The following ZNF638 variants were observed in gnomAD, a reference collection of about 807,000 sequenced individuals.
The protein encoded by ZNF638 is zinc finger protein 638.
ZNF638 carries 46 observed loss-of-function variants against 195.6 expected under a neutral mutation model. That is an observed-to-expected ratio of 0.24 (90% CI 0.19 to 0.30). The LOEUF (loss-of-function observed/expected upper bound fraction) is 0.30, where lower values mean the gene tolerates loss of function less well. ZNF638 is among the 10% of genes least tolerant of loss of function. ZNF638 has a pLI of 1.00. For missense variants in ZNF638, 2,440 were observed against 2,325.3 expected, an observed-to-expected ratio of 1.05 and a Z score of -1.01; for synonymous variants, 845 against 772.0, an observed-to-expected ratio of 1.09 and a Z score of -1.57.
At chr2:71,385,939 G>T (rs1286885178) in intron 10 of ZNF638, among the ~76,000 whole-genome samples, 2 of 151,906 alleles carry the variant, frequency 1.3e-5, no homozygotes, top group Non-Finnish European at 2.9e-5. Flanking sequence ...TTGAATAATG[G>T]ACTATGCACA....
intron 1 of ZNF638, chr2:71,341,753 A>G (rs561413339): frequency 6.6e-5 from 10 of 152,306 alleles, no homozygotes; most frequent in Non-Finnish European, 1.3e-4. Flanking sequence ...CTTCCGATGA[A>G]CGAACCTCTT....
intron 24 of ZNF638, among the ~76,000 whole-genome samples, chr2:71,427,939 C>T (rs1437606838): frequency 6.6e-6 from 1 of 152,176 alleles, no homozygotes; most frequent in African/African-American, 2.4e-5. Context: ...CTCCCGTAAT[C>T]TCAGCACTTT....
intron 6 of ZNF638, 126 bp from the exon 7 acceptor site, chr2:71,368,256 T>TA: frequency 1.2e-6 from 1 of 825,916 alleles, no homozygotes; most frequent in Non-Finnish European, 1.7e-6. Context: ...GAAAAATGGG[T>TA]AAAAAATATG....
intron 23 of ZNF638, among the ~76,000 whole-genome samples, chr2:71,425,665 C>T (rs2080524775): frequency 6.6e-6 from 1 of 151,898 alleles, no homozygotes. Flanking sequence ...CATTATATTT[C>T]TTTTATTATT....
intron 5 of ZNF638, 131 bp downstream of exon 5, chr2:71,364,383 G>A: frequency 4.2e-6 from 4 of 948,306 alleles, no homozygotes; most frequent in Non-Finnish European, 6.1e-6. Flanking sequence ...TGACCCACAT[G>A]CCACAGAGTT....
rs375202354 is a variant in ZNF638 at position 71,405,968 on chromosome 2, C to T, written c.3001-160C>T. 5.9e-5 allele frequency among the ~76,000 whole-genome samples: 9 copies of T among 152,168 alleles called. No homozygotes were observed. In the South Asian group the frequency reaches 8.3e-4, roughly 14 times the overall value. ...TACGTCATTTTACTGATTACTCGTA[C>T]GTAAAATTAAGACCTCACTGTCTTC... is the stretch of plus-strand genomic sequence containing the variant. On this transcript the variant is annotated intron_variant, in intron 18 of 27. Coordinates refer to ENST00000264447, the MANE Select transcript of ZNF638 (RefSeq NM_014497.5).
chr2:71,433,725 C>T (rs960978598), intron 27 of ZNF638, among the ~76,000 whole-genome samples: 2 of 152,142 alleles, frequency 1.3e-5, no homozygotes, highest in South Asian at 2.1e-4. Flanking sequence ...CATCATTAAC[C>T]ATAATTGAAG....
intron 8 of ZNF638, among the ~76,000 whole-genome samples, chr2:71,373,258 A>G (rs546727215): frequency 2.0e-5 from 3 of 151,972 alleles, no homozygotes; most frequent in East Asian, 3.9e-4. Flanking sequence ...AGCTATATCT[A>G]TTAACTGTTT....
Position 71,348,935 on chromosome 2 carries a change from A to G in ZNF638, c.-20A>G. On this transcript the variant is annotated 5_prime_UTR_variant, in exon 2 of 28. Transcript: ENST00000264447. ...ACACCACCTTATACTTTATTAAATC[A>G]GGCTTTCTTGAAAATAGCCATGTCG... is the stretch of plus-strand genomic sequence containing the variant. The G allele has an allele frequency of 6.2e-7, 1 of 1,614,146 alleles. No individual in the cohort carries two copies. The highest frequency in any genetic ancestry group is 8.5e-7 in the Non-Finnish European group (1 of 1,180,010).
At chr2:71,419,561 A>G (rs1021142430) in intron 21 of ZNF638, among the ~76,000 whole-genome samples, 1 of 152,214 alleles carries the variant, frequency 6.6e-6, no homozygotes, top group Admixed American at 6.5e-5. Context: ...TACCAGTAAC[A>G]TTAAGCAATA....
At chr2:71,346,088 A>G (rs1177635369) in intron 1 of ZNF638, among the ~76,000 whole-genome samples, 2 of 152,228 alleles carry the variant, frequency 1.3e-5, no homozygotes, top group Non-Finnish European at 2.9e-5. Context: ...ATACTTATTC[A>G]CAATTCCATT....
At chr2:71,427,939 C>A (rs1437606838) in intron 24 of ZNF638, among the ~76,000 whole-genome samples, 1 of 152,176 alleles carries the variant, frequency 6.6e-6, no homozygotes, top group Non-Finnish European at 1.5e-5. Flanking sequence ...CTCCCGTAAT[C>A]TCAGCACTTT....
intron 1 of ZNF638, 134 bp downstream of exon 1, chr2:71,332,009 G>A: frequency 1.2e-6 from 1 of 866,712 alleles, no homozygotes. Context: ...AAATGGCGGC[G>A]GGCAGACGGC....
At chr2:71,370,050 G>GT in intron 8 of ZNF638, 45 bp downstream of exon 8, 1 of 1,575,288 alleles carries the variant, frequency 6.3e-7, no homozygotes, top group Non-Finnish European at 8.6e-7. Context: ...TGTTGTTTTA[G>GT]TTTAACTTTT....
chr2:71,343,470 T>G (rs1034525782), intron 1 of ZNF638, among the ~76,000 whole-genome samples: 2 of 152,158 alleles, frequency 1.3e-5, no homozygotes, highest in African/African-American at 2.4e-5. Flanking sequence ...CATTCCCAAT[T>G]AAATGTTCCT....
rs2078907082 is a variant in ZNF638, at chr2:71,349,564, G to A, written c.610G>A (p.Val204Ile). 1 of 1,614,186 alleles carries A rather than the reference G, an allele frequency of 6.2e-7. No homozygotes were observed. Among genetic ancestry groups the A allele is most frequent in the Non-Finnish European group, 8.5e-7 (1 of 1,180,026 alleles). The change falls in exon 2 of 28, where the codon GTT becomes ATT. Residue 204 changes from valine to isoleucine, a missense_variant. Around this residue, in one of 5 missense-constraint regions of ZNF638, gnomAD observed 305 missense variants for 283.6 expected, o/e 1.08. Coordinates refer to ENST00000264447, the MANE Select transcript of ZNF638 (RefSeq NM_014497.5). ...RNKETLGSEAVSSNVIDYGHA... is the reference protein window; with the variant it reads ...RNKETLGSEAISSNVIDYGHA... ...TAAAGAAACACTTGGTAGTGAAGCA[G>A]TTTCAAGTAATGTGATCGATTATGG...
Position 71,428,890 on chromosome 2 carries a change from A to G in ZNF638, c.5650+239A>G, listed in dbSNP as rs2080596601. ...ATGATCCTCGAAAGGTTTTCTGACC[A>G]TGTTGCAGCATCAGATAGAAATTAT... On this transcript the variant is annotated intron_variant, in intron 25 of 27. Transcript: ENST00000264447. 4 of 328,992 alleles carry G rather than the reference A, an allele frequency of 1.2e-5. No individual in the cohort carries two copies. In the South Asian group the frequency reaches 3.6e-4, roughly 29 times the overall value. The allele number at this position is 328,992 out of a possible 1,614,324, so 20.4% of individuals were successfully genotyped here.
intron 8 of ZNF638, among the ~76,000 whole-genome samples, chr2:71,378,111 A>G (rs1049071815): frequency 1.3e-5 from 2 of 152,234 alleles, no homozygotes; most frequent in Non-Finnish European, 2.9e-5. Context: ...GCGGTGAACA[A>G]TGAAACCAGT....
chr2:71,396,624 T>G (rs1288862628), intron 11 of ZNF638, among the ~76,000 whole-genome samples: 1 of 152,204 alleles, frequency 6.6e-6, no homozygotes, highest in Non-Finnish European at 1.5e-5. Flanking sequence ...GGGTCATCTC[T>G]TTAAGTGGAT....
Sources: gnomAD v4.1 joint callset for allele counts (sites outside exome capture counted in the v4.1 genomes callset) on GRCh38, gnomAD v4.1.1 for gene constraint, gnomAD v4.1.1 regional missense constraint, MANE v1.5 for transcripts, NCBI Gene and HGNC (gene_info 2026-07-23, HGNC 2026-07-21) for gene names.